COL11A1: variants seen among roughly 807,000 people sequenced by gnomAD.
COL11A1 encodes collagen alpha-1(XI) chain.
A neutral mutation model predicts 265.2 loss-of-function variants in COL11A1; 74 were observed. The observed-to-expected ratio is 0.28, with a 90% CI of 0.23 to 0.34. COL11A1 has a LOEUF of 0.34. COL11A1 is among the 10% of genes least tolerant of loss of function. The pLI is 1.00. For synonymous variants in COL11A1, 816 were observed against 727.6 expected (o/e 1.12, Z -1.96); for missense variants, 2,165 against 2,263.6 (o/e 0.96, Z 0.88).
chr1:102,967,921 A>G (rs578241151), intron 37 of COL11A1, among the ~76,000 whole-genome samples: 2 of 152,354 alleles, frequency 1.3e-5, no homozygotes, highest in African/African-American at 2.4e-5. Context: ...AAATTACAAC[A>G]TAGACTTGCA....
intron 37 of COL11A1, among the ~76,000 whole-genome samples, chr1:102,967,268 T>C (rs1661515528): frequency 1.0e-5 from 1 of 98,534 alleles, no homozygotes; most frequent in Non-Finnish European, 2.0e-5. Flanking sequence ...TGAGACGGAG[T>C]CTCGCTCTGT....
chr1:103,101,568 G>A (rs1050130583), intron 1 of COL11A1, among the ~76,000 whole-genome samples: 1 of 151,858 alleles, frequency 6.6e-6, no homozygotes, highest in African/African-American at 2.4e-5. Flanking sequence ...CACAGTCTAA[G>A]GTTCACTCCT....
chr1:102,912,369 C>T (rs1389164934), intron 53 of COL11A1, among the ~76,000 whole-genome samples, 157 bp from the exon 54 acceptor site: 1 of 152,070 alleles, frequency 6.6e-6, no homozygotes, highest in Non-Finnish European at 1.5e-5. Flanking sequence ...CCTAAACTTC[C>T]TCTAGATATT....
chr1:103,026,466 T>C, intron 5 of COL11A1, 134 bp from the exon 6 acceptor site: 1 of 693,942 alleles, frequency 1.4e-6, no homozygotes, highest in Non-Finnish European at 2.6e-6. Context: ...TGAGTTATTT[T>C]TGTATTACAT....
At chr1:103,030,647 A>T (rs12738140) in intron 5 of COL11A1, among the ~76,000 whole-genome samples, 12,031 of 151,830 alleles carry the variant, frequency 0.079, 526 homozygotes, top group Middle Eastern at 0.15. Context: ...CTATGAGAAA[A>T]TTTTTTTTAA....
intron 2 of COL11A1, among the ~76,000 whole-genome samples, chr1:103,082,158 G>T (rs971498075): frequency 4.6e-5 from 7 of 151,834 alleles, no homozygotes; most frequent in African/African-American, 1.7e-4. Flanking sequence ...TATTCAGCAA[G>T]TACTTTTCAG....
At position 103,031,248 on chromosome 1, in the gene COL11A1, G is replaced by GAAAA; in HGVS notation, c.652-5_652-4insTTTT. On this transcript the variant is annotated splice_polypyrimidine_tract_variant and splice_region_variant and intron_variant, in intron 4 of 66. Coordinates refer to ENST00000370096, the MANE Select transcript of COL11A1 (RefSeq NM_001854.4). ...TCAAAAACTGCTGAATGTCCCCCTG[G>GAAAA]GAAAAAAAAAAAAACAAAAACAAAC... 6.8e-7 allele frequency: 1 copy of GAAAA among 1,476,130 alleles called. No individual in the cohort carries two copies. The highest frequency in any genetic ancestry group is 2.2e-5 in the Admixed American group (1 of 46,204). The allele number at this position is 1,476,130 out of a possible 1,614,324, so 91.4% of individuals were successfully genotyped here. A position where few individuals can be genotyped will look rare whatever the true frequency, so the allele number is the denominator to read the frequency against.
In COL11A1 at chr1:102,878,020, T is replaced by C. The variant is rs1318436219; in HGVS notation, c.5420A>G (p.Ter1807=). The change falls in exon 67 of 67, where the codon TAA becomes TGA. Residue 1807 remains the stop codon, a stop_retained_variant. Transcript: ENST00000370096. ...TTTGATATGTTCTTTGTCTTAATCT[T>C]AGCCAAGAAAACAAACAGGACCAAC... ...FEVGPVCFLG[*] 1.9e-6 allele frequency: 3 copies of C among 1,613,244 alleles called. No individual in the cohort carries two copies. Among genetic ancestry groups the C allele is most frequent in the Non-Finnish European group, 2.5e-6 (3 of 1,179,522 alleles).
chr1:103,021,823 T>C (rs1469604151), intron 8 of COL11A1, 54 bp from the exon 9 acceptor site: 2 of 1,217,804 alleles, frequency 1.6e-6, no homozygotes, highest in African/African-American at 1.7e-5. Context: ...CATTTCTTTC[T>C]TTCTTTCTTT....
intron 28 of COL11A1, among the ~76,000 whole-genome samples, chr1:102,992,412 ATAAT>A (rs1432404022): frequency 6.6e-6 from 1 of 152,112 alleles, no homozygotes; most frequent in East Asian, 1.9e-4. Context: ...AATTTTAGTC[ATAAT>A]TAGAGTACTA....
intron 64 of COL11A1, 101 bp from the exon 65 acceptor site, chr1:102,881,866 T>C: frequency 1.2e-6 from 1 of 863,928 alleles, no homozygotes; most frequent in Non-Finnish European, 1.8e-6. Context: ...ACTAAGAAAA[T>C]AAAGAGTGCT....
intron 5 of COL11A1, among the ~76,000 whole-genome samples, chr1:103,029,305 T>G (rs1265596679): frequency 6.6e-6 from 1 of 152,074 alleles, no homozygotes; most frequent in African/African-American, 2.4e-5. Flanking sequence ...ATGCTCCATA[T>G]TGCACTTTAT....
chr1:103,063,615 A>T (rs757726666), intron 4 of COL11A1, among the ~76,000 whole-genome samples: 1 of 152,188 alleles, frequency 6.6e-6, no homozygotes, highest in Non-Finnish European at 1.5e-5. Context: ...CCTAGAAGAC[A>T]ATATAGGAGA....
intron 28 of COL11A1, among the ~76,000 whole-genome samples, chr1:102,994,825 T>C (rs907800788): frequency 2.0e-5 from 3 of 152,086 alleles, no homozygotes; most frequent in African/African-American, 7.2e-5. Flanking sequence ...GCGTAATTTA[T>C]AAGGGAAAGA....
intron 5 of COL11A1, among the ~76,000 whole-genome samples, chr1:103,029,649 G>A (rs1007089590): frequency 5.9e-5 from 9 of 152,008 alleles, no homozygotes; most frequent in African/African-American, 2.2e-4. Flanking sequence ...TTGTCATGCA[G>A]TTTCTACTGT....
chr1:102,934,220 C>A (rs1035077617), intron 46 of COL11A1, among the ~76,000 whole-genome samples: 1 of 152,060 alleles, frequency 6.6e-6, no homozygotes, highest in African/African-American at 2.4e-5. Flanking sequence ...TAAAAATACT[C>A]CAGAATCAGG....
chr1:102,911,994 T>C (rs1654737966), intron 54 of COL11A1, among the ~76,000 whole-genome samples, 165 bp downstream of exon 54: 1 of 152,232 alleles, frequency 6.6e-6, no homozygotes, highest in South Asian at 2.1e-4. Context: ...AGTTAGAATA[T>C]GTTCTATTTT....
intron 1 of COL11A1, 76 bp from the exon 2 acceptor site, chr1:103,083,048 ATAGTATGTCATTT>A: frequency 7.3e-7 from 1 of 1,365,798 alleles, no homozygotes; most frequent in Middle Eastern, 1.9e-4. Context: ...TTAACACAGG[ATAGTATGTCATTT>A]CATACCTTGA....
chr1:103,000,329 T>C (rs1246620655), intron 24 of COL11A1, among the ~76,000 whole-genome samples: 1 of 151,910 alleles, frequency 6.6e-6, no homozygotes, highest in Admixed American at 6.6e-5. Flanking sequence ...AATAGTGCTG[T>C]GCAGCTATGT....
Sources: allele counts gnomAD v4.1 joint callset (sites outside exome capture counted in the v4.1 genomes callset), GRCh38; gene constraint gnomAD v4.1.1; transcripts MANE v1.5; gene names NCBI Gene and HGNC (gene_info 2026-07-23, HGNC 2026-07-21).